LYG1: variants seen among roughly 807,000 people sequenced by gnomAD.
The protein encoded by LYG1 is lysozyme g-like protein 1.
In LYG1, 17 loss-of-function variants were observed where a neutral mutation model predicts 21.7. The ratio of observed to expected loss-of-function variants is 0.78; its 90% confidence interval spans 0.54 to 1.18. LYG1 has a LOEUF of 1.18. LYG1 is among the 50% of genes most tolerant of loss of function. The pLI, the probability that LYG1 is intolerant of heterozygous loss-of-function variation, is 0.00. For missense variants in LYG1, 211 were observed against 238.1 expected (o/e 0.89, Z 0.75); for synonymous variants, 81 against 87.4 (o/e 0.93, Z 0.41).
At position 99,291,416 on chromosome 2, in the gene LYG1, G is replaced by A. The variant is rs267599508; in HGVS notation, c.154C>T (p.Arg52Cys). 13 of 1,613,912 alleles carry A rather than the reference G, an allele frequency of 8.1e-6. No homozygotes were observed. The highest frequency in any genetic ancestry group is 4.0e-5 in the African/African-American group (3 of 74,910). ...RRHGLNYCGV[R>C]ASERLAEIDM... ...ATTTCAGCCAGCCTTTCAGAAGCAC[G>A]AACTCCTAAACCAAACGCAAAAGGA... The change falls in exon 5 of 7, where the codon CGT becomes TGT. Residue 52 changes from arginine to cysteine, a missense_variant. Physicochemically the swap from Arg to Cys is radical, Grantham distance 180 (BLOSUM62 -3). Transcript: ENST00000308528.
intron 2 of LYG1, 143 bp from the exon 3 acceptor site, chr2:99,295,845 A>G (rs1574887690): frequency 8.1e-6 from 2 of 247,130 alleles, no homozygotes; most frequent in Admixed American, 6.0e-5. Context: ...AATCATAGTG[A>G]AAAAAAAGCA....
intron 3 of LYG1, among the ~76,000 whole-genome samples, chr2:99,293,003 T>TC (rs1209801991): frequency 6.9e-6 from 1 of 145,910 alleles, no homozygotes; most frequent in Non-Finnish European, 1.5e-5. Flanking sequence ...TTTTTTTTTT[T>TC]TTTTTTGAGA....
At chr2:99,291,550 T>C in intron 4 of LYG1, 129 bp from the exon 5 acceptor site, 1 of 1,086,558 alleles carries the variant, frequency 9.2e-7, no homozygotes, top group Admixed American at 2.4e-5. Flanking sequence ...CAGATTTTGG[T>C]CTTAAATCTT....
At chr2:99,299,771 T>G (rs1574891509) in intron 1 of LYG1, among the ~76,000 whole-genome samples, 1 of 151,814 alleles carries the variant, frequency 6.6e-6, no homozygotes, top group Admixed American at 6.5e-5. Context: ...TTTTAATTTT[T>G]GTTTTTTTAA....
intron 5 of LYG1, among the ~76,000 whole-genome samples, chr2:99,286,621 T>C (rs1364236481): frequency 6.6e-6 from 1 of 152,142 alleles, no homozygotes; most frequent in Non-Finnish European, 1.5e-5. Context: ...GGAGAATTGC[T>C]TGAACCCAGG....
chr2:99,284,292 G>T lies in LYG1; in HGVS notation c.*101C>A. ...TTCATGTTATTTTAATGACTTTTAGGTCAAACTCAGATTCCCAGTTACAGG... is the reference window on the plus strand; with the variant it reads ...TTCATGTTATTTTAATGACTTTTAGTTCAAACTCAGATTCCCAGTTACAGG... On this transcript the variant is annotated 3_prime_UTR_variant, in exon 7 of 7. Transcript: ENST00000308528. The T allele has an allele frequency of 1.0e-6, 1 of 987,188 alleles. No homozygotes were observed. Among genetic ancestry groups the T allele is most frequent in the Non-Finnish European group, 1.6e-6 (1 of 642,762 alleles). The allele number at this position is 987,188 out of a possible 1,614,324, so 61.2% of individuals were successfully genotyped here. A position where few individuals can be genotyped will look rare whatever the true frequency, so the allele number is the denominator to read the frequency against.
intron 1 of LYG1, 70 bp from the exon 2 acceptor site, chr2:99,298,619 T>C (rs2094144385): frequency 6.6e-6 from 1 of 152,256 alleles, no homozygotes; most frequent in Non-Finnish European, 1.5e-5. Context: ...CCATGAATGC[T>C]CTCAATCTTT....
intron 1 of LYG1, among the ~76,000 whole-genome samples, chr2:99,299,911 T>G (rs904692115): frequency 6.6e-6 from 1 of 151,708 alleles, no homozygotes; most frequent in Non-Finnish European, 1.5e-5. Context: ...TCCCTACATA[T>G]ATACACACAC....
chr2:99,299,552 G>A (rs2094148045), intron 1 of LYG1, among the ~76,000 whole-genome samples: 1 of 150,554 alleles, frequency 6.6e-6, no homozygotes, highest in Non-Finnish European at 1.5e-5. Flanking sequence ...AGCCTCCTGA[G>A]TAGCTGGGAT....
intron 3 of LYG1, among the ~76,000 whole-genome samples, chr2:99,294,806 TC>T (rs1413243947): frequency 6.6e-6 from 1 of 152,202 alleles, no homozygotes; most frequent in East Asian, 1.9e-4. Context: ...CTTTGCTTCC[TC>T]CTTTTATTTA....
chr2:99,302,224 C>T (rs1221962882), upstream of LYG1, among the ~76,000 whole-genome samples: 2 of 152,188 alleles, frequency 1.3e-5, no homozygotes, highest in East Asian at 1.9e-4. Flanking sequence ...GCTTGCTTAT[C>T]GGCTGACTGG....
At chr2:99,287,157 A>C (rs2094102685) in intron 5 of LYG1, among the ~76,000 whole-genome samples, 1 of 152,248 alleles carries the variant, frequency 6.6e-6, no homozygotes, top group South Asian at 2.1e-4. Context: ...AATTTTAGTC[A>C]TGCAAGACAA....
At chr2:99,303,240 A>G (rs978482773), upstream of LYG1, among the ~76,000 whole-genome samples, 1 of 152,084 alleles carries the variant, frequency 6.6e-6, no homozygotes, top group Admixed American at 6.6e-5. Context: ...CCTGACCCCC[A>G]AAATGGAACT....
rs754191689 is a variant in LYG1 at position 99,291,258 on chromosome 2, G to A, written c.312C>T (p.Gly104=). The A allele has an allele frequency of 5.0e-6, 8 of 1,614,074 alleles. No homozygotes were observed. The highest frequency in any genetic ancestry group is 1.7e-5 in the Admixed American group (1 of 60,008). The change falls in exon 5 of 7, where the codon GGC becomes GGT. Residue 104 remains glycine, a synonymous_variant. Coordinates refer to ENST00000308528, the MANE Select transcript of LYG1 (RefSeq NM_174898.3). ...TTACCTGCACCATGCTAGTCCTATC[G>A]CCCATGTTGACCAGAATTTTGTCAC... is the stretch of plus-strand genomic sequence containing the variant. ...SPGDKILVNM[G]DRTSMVQDPG...
At chr2:99,285,594 C>T (rs551928156) in intron 5 of LYG1, among the ~76,000 whole-genome samples, 45 of 152,276 alleles carry the variant, frequency 3.0e-4, no homozygotes, top group African/African-American at 4.8e-4. Context: ...ATGTGCATCC[C>T]GGAGACCCTG....
intron 5 of LYG1, among the ~76,000 whole-genome samples, chr2:99,285,826 C>T (rs1214430739): frequency 6.6e-6 from 1 of 152,208 alleles, no homozygotes; most frequent in Non-Finnish European, 1.5e-5. Flanking sequence ...GGCCCTCCAA[C>T]AACACCTGGA....
chr2:99,284,441 G>A lies in LYG1; in HGVS notation c.537C>T (p.Cys179=). The A allele has an allele frequency of 3.1e-6, 5 of 1,614,200 alleles. No homozygotes were observed. The highest frequency in any genetic ancestry group is 4.2e-6 in the Non-Finnish European group (5 of 1,180,038). ...RSSQDLSCDF[C]NDVLARAKYL... is the part of the protein sequence containing the mutation. Reference sequence around the variant, plus strand: ...ACTTGGCTCGTGCAAGGACATCATTGCAGAAGTCACAGCTCAGGTCCTGGC... The same window carrying A: ...ACTTGGCTCGTGCAAGGACATCATTACAGAAGTCACAGCTCAGGTCCTGGC... Residue 179 remains cysteine, a synonymous_variant, in exon 7 of 7, where the codon TGC becomes TGT. Coordinates refer to ENST00000308528, the MANE Select transcript of LYG1 (RefSeq NM_174898.3).
rs115460531 is a variant in LYG1, at chr2:99,287,045, G to T, written c.334-2225C>A. Reference sequence around the variant, plus strand: ...ATACTGCATGATTTCACTTATATGAGGTATCTAAAATAGTTAAGTTCATAG... The same window carrying T: ...ATACTGCATGATTTCACTTATATGATGTATCTAAAATAGTTAAGTTCATAG... On this transcript the variant is annotated intron_variant, in intron 5 of 6. Coordinates refer to ENST00000308528, the MANE Select transcript of LYG1 (RefSeq NM_174898.3). Among the ~76,000 whole-genome samples the T allele has an allele frequency of 2.9e-3, 435 of 152,280 alleles. 2 individuals are homozygous for T. The highest frequency in any genetic ancestry group is 9.8e-3 in the African/African-American group (408 of 41,548).
intron 3 of LYG1, among the ~76,000 whole-genome samples, chr2:99,293,284 G>A (rs1038202421): frequency 2.6e-5 from 4 of 152,098 alleles, no homozygotes; most frequent in Non-Finnish European, 5.9e-5. Flanking sequence ...GAGCCACCGC[G>A]CCCAGCCTCT....
Sources: gnomAD v4.1 joint callset for allele counts (sites outside exome capture counted in the v4.1 genomes callset) on GRCh38, gnomAD v4.1.1 for gene constraint, MANE v1.5 for transcripts, NCBI Gene and HGNC (gene_info 2026-07-23, HGNC 2026-07-21) for gene names.